The following PACSIN2 variants were observed in gnomAD, a reference collection of about 807,000 sequenced individuals.
PACSIN2 encodes the protein protein kinase C and casein kinase substrate in neurons 2, also known as protein kinase C and casein kinase substrate in neurons protein 2.
Under a neutral mutation model 63.8 loss-of-function variants are expected in PACSIN2, and 25 were observed. That is an observed-to-expected ratio of 0.39 (90% CI 0.29 to 0.55). The LOEUF is 0.55. PACSIN2 is among the 20% of genes least tolerant of loss of function. PACSIN2 has a pLI of 0.62. For synonymous variants in PACSIN2, 255 were observed against 256.2 expected, an observed-to-expected ratio of 1.00 and a Z score of 0.05; for missense variants, 518 against 646.9, an observed-to-expected ratio of 0.80 and a Z score of 2.16.
rs144509444 is a variant in PACSIN2 at position 42,898,720 on chromosome 22, G to A, written c.61-5107C>T. 4.1e-3 allele frequency among the ~76,000 whole-genome samples: 629 copies of A among 152,034 alleles called. 3 individuals carry two copies. The highest frequency in any genetic ancestry group is 6.6e-3 in the Non-Finnish European group (451 of 67,954). On this transcript the variant is annotated intron_variant, in intron 2 of 10. Transcript: ENST00000263246. ...CCCCGAGCCCAGGACTCGCCCTGCC[G>A]CCTGCCCTCCTCCAGGCTGCACTCA...
At chr22:42,957,313 A>G (rs1338847285) in intron 1 of PACSIN2, among the ~76,000 whole-genome samples, 4 of 152,274 alleles carry the variant, frequency 2.6e-5, no homozygotes, top group African/African-American at 9.6e-5. Context: ...CATATTTATG[A>G]AAGTGCCAGT....
At position 42,872,437 on chromosome 22, in the gene PACSIN2, T is replaced by C. The variant is rs1173595490; in HGVS notation, c.1349-968A>G. Among the ~76,000 whole-genome samples the C allele has an allele frequency of 2.0e-5, 3 of 152,256 alleles. 1 individual carries two copies. Among genetic ancestry groups the C allele is most frequent in the Admixed American group, 2.0e-4 (3 of 15,288 alleles). On this transcript the variant is annotated intron_variant, in intron 10 of 10. Coordinates refer to ENST00000263246, the MANE Select transcript of PACSIN2 (RefSeq NM_001184970.3). ...TAGTCCCAGTGCTGTTTTGCCTTTA[T>C]TGCTAAGTTTGAAGTTTTGTAACTC...
intron 2 of PACSIN2, among the ~76,000 whole-genome samples, chr22:42,905,699 C>A (rs1931027669): frequency 6.6e-6 from 1 of 152,222 alleles, no homozygotes; most frequent in African/African-American, 2.4e-5. Flanking sequence ...CATGAAAGAG[C>A]TGAAAACAAA....
chr22:42,984,416 C>T (rs1922465274), intron 1 of PACSIN2, among the ~76,000 whole-genome samples: 1 of 152,140 alleles, frequency 6.6e-6, no homozygotes, highest in African/African-American at 2.4e-5. Flanking sequence ...ATGCTCTAGG[C>T]CCTCGGCCTC....
At chr22:42,890,895 G>C (rs577099672) in intron 4 of PACSIN2, 52 bp downstream of exon 4, 13 of 1,444,682 alleles carry the variant, frequency 9.0e-6, no homozygotes, top group Admixed American at 6.9e-5. Flanking sequence ...TGCTGCTAGT[G>C]GGGTGCCAGG....
intron 1 of PACSIN2, among the ~76,000 whole-genome samples, chr22:42,952,914 C>A (rs1202464610): frequency 2.0e-5 from 3 of 152,162 alleles, no homozygotes; most frequent in African/African-American, 4.8e-5. Flanking sequence ...GATCCACTGG[C>A]CTCGGCCTCC....
chr22:42,981,483 C>G (rs866960052), intron 1 of PACSIN2, among the ~76,000 whole-genome samples: 2,519 of 17,364 alleles, frequency 0.15, 722 homozygotes, highest in African/African-American at 0.56. Flanking sequence ...AGGGAGGCGG[C>G]GGGGGGGGTC....
chr22:42,980,087 G>A (rs923439243), intron 1 of PACSIN2, among the ~76,000 whole-genome samples: 5 of 150,898 alleles, frequency 3.3e-5, no homozygotes, highest in African/African-American at 1.2e-4. Context: ...AAAAAAGAAA[G>A]AAAGAAACAA....
At chr22:42,924,296 G>C (rs1392088887) in intron 1 of PACSIN2, among the ~76,000 whole-genome samples, 1 of 152,094 alleles carries the variant, frequency 6.6e-6, no homozygotes, top group Non-Finnish European at 1.5e-5. Flanking sequence ...CTCTAACAGA[G>C]CTCCCAGCTT....
At chr22:42,941,371 T>A (rs1034175200) in intron 1 of PACSIN2, among the ~76,000 whole-genome samples, 1 of 152,238 alleles carries the variant, frequency 6.6e-6, no homozygotes, top group African/African-American at 2.4e-5. Flanking sequence ...CAAGCCTTTG[T>A]ATGGACAGAT....
chr22:42,970,550 T>C (rs913677129), intron 1 of PACSIN2, among the ~76,000 whole-genome samples: 2 of 152,264 alleles, frequency 1.3e-5, no homozygotes, highest in Non-Finnish European at 2.9e-5. Flanking sequence ...CTATTAGTTT[T>C]GCAACTTTTC....
At chr22:42,878,980 A>T in intron 8 of PACSIN2, 68 bp downstream of exon 8, 1 of 1,553,634 alleles carries the variant, frequency 6.4e-7, no homozygotes, top group Non-Finnish European at 8.7e-7. Context: ...GCTGCCCTGG[A>T]CCATGCAGAT....
rs1308295070 is a variant in PACSIN2 at position 42,870,407 on chromosome 22, G to A, written c.*950C>T. Reference sequence around the variant, plus strand: ...AAGCAGTTTACAAACGAAACTCACTGTTAAAAGCTGTTAAATCTCATTAAA... The same window carrying A: ...AAGCAGTTTACAAACGAAACTCACTATTAAAAGCTGTTAAATCTCATTAAA... On this transcript the variant is annotated 3_prime_UTR_variant, in exon 11 of 11. Transcript: ENST00000263246. The A allele has an allele frequency of 1.3e-5, 2 of 152,136 alleles. No homozygotes were observed. Among genetic ancestry groups the A allele is most frequent in the Admixed American group, 1.3e-4 (2 of 15,270 alleles). The allele number at this position is 152,136 out of a possible 1,614,324, so 9.4% of individuals were successfully genotyped here. A position where few individuals can be genotyped will look rare whatever the true frequency, so the allele number is the denominator to read the frequency against.
intron 10 of PACSIN2, among the ~76,000 whole-genome samples, chr22:42,872,991 C>A (rs1928284316): frequency 6.6e-6 from 1 of 152,240 alleles, no homozygotes. Flanking sequence ...GCTACCGAGG[C>A]TAGGATGAGG....
At chr22:42,876,358 G>A in intron 9 of PACSIN2, 25 bp from the exon 10 acceptor site, 1 of 1,606,762 alleles carries the variant, frequency 6.2e-7, no homozygotes, top group Non-Finnish European at 8.5e-7. Flanking sequence ...AGGCCACAGG[G>A]CCCTCAGCAC....
At chr22:42,930,370 A>G (rs1932760439) in intron 1 of PACSIN2, among the ~76,000 whole-genome samples, 2 of 152,168 alleles carry the variant, frequency 1.3e-5, no homozygotes, top group South Asian at 4.1e-4. Context: ...TGGGCCCTGG[A>G]CACACTCAGC....
chr22:42,994,211 G>A (rs529545608), intron 1 of PACSIN2, among the ~76,000 whole-genome samples: 72 of 152,368 alleles, frequency 4.7e-4, no homozygotes, highest in Admixed American at 1.3e-3. Flanking sequence ...CTGCTCAAGT[G>A]TGGCTGGTTT....
intron 1 of PACSIN2, among the ~76,000 whole-genome samples, chr22:42,919,388 GGTCTTTCCA>G (rs1932018013): frequency 6.6e-6 from 1 of 152,076 alleles, no homozygotes; most frequent in African/African-American, 2.4e-5. Flanking sequence ...AGTCATCCCT[GGTCTTTCCA>G]AGGACAGGGA....
chr22:42,904,266 C>T (rs1003205383), intron 2 of PACSIN2, among the ~76,000 whole-genome samples: 2 of 152,260 alleles, frequency 1.3e-5, no homozygotes, highest in African/African-American at 2.4e-5. Context: ...CCCTACATGG[C>T]GTTCACATGC....
Sources: gnomAD v4.1 joint callset for allele counts (sites outside exome capture counted in the v4.1 genomes callset) on GRCh38, gnomAD v4.1.1 for gene constraint, MANE v1.5 for transcripts, NCBI Gene and HGNC (gene_info 2026-07-23, HGNC 2026-07-21) for gene names.